The following UNC5C variants were observed in gnomAD, a reference collection of about 807,000 sequenced individuals.
UNC5C encodes the protein netrin receptor UNC5C.
Under a neutral mutation model 99.8 loss-of-function variants are expected in UNC5C, and 47 were observed. The ratio of observed to expected loss-of-function variants is 0.47; its 90% CI spans 0.37 to 0.60. The LOEUF (loss-of-function observed/expected upper bound fraction) is 0.60, where lower values mean the gene tolerates loss of function less well. Among genes scored for constraint, UNC5C ranks in the 20% least tolerant of loss-of-function variants. The pLI, the probability that UNC5C is intolerant of heterozygous loss-of-function variation, is 0.00. For missense variants in UNC5C, 1,062 were observed against 1,165.9 expected, an observed-to-expected ratio of 0.91 and a Z score of 1.30; for synonymous variants, 487 against 452.2, an observed-to-expected ratio of 1.08 and a Z score of -0.98.
chr4:95,462,433 G>A (rs933099392), intron 1 of UNC5C, among the ~76,000 whole-genome samples: 1 of 152,076 alleles, frequency 6.6e-6, no homozygotes, highest in Non-Finnish European at 1.5e-5. Flanking sequence ...TCCATCCTCT[G>A]CTCATAAAGG....
chr4:95,296,931 G>C (rs116747063), intron 3 of UNC5C, among the ~76,000 whole-genome samples: 69 of 152,224 alleles, frequency 4.5e-4, no homozygotes, highest in African/African-American at 1.6e-3. Context: ...TTTCAGGCCT[G>C]GTCCCACCTG....
chr4:95,177,065 C>T (rs1266404878), intron 14 of UNC5C, among the ~76,000 whole-genome samples: 2 of 152,214 alleles, frequency 1.3e-5, no homozygotes, highest in African/African-American at 4.8e-5. Flanking sequence ...ACCCCTTGCA[C>T]TTCCCGAGTG....
At position 95,433,677 on chromosome 4, in the gene UNC5C, AT is replaced by A. The variant is rs907625638; in HGVS notation, c.125-98047del. ...TAACCAGAGTTCAATATTTGTTTAGATTTTTTTCATGCAATATTTACACAAA... is the reference window on the plus strand; with the variant it reads ...TAACCAGAGTTCAATATTTGTTTAGATTTTTTCATGCAATATTTACACAAA... On this transcript the variant is annotated intron_variant, in intron 1 of 15. Coordinates refer to ENST00000453304, the MANE Select transcript of UNC5C (RefSeq NM_003728.4). Among the ~76,000 whole-genome samples the A allele has an allele frequency of 1.1e-4, 16 of 152,222 alleles. No homozygotes were observed. The South Asian group carries it at 1.9e-3, about 18-fold the overall frequency.
At chr4:95,462,994 C>A (rs902888423) in intron 1 of UNC5C, among the ~76,000 whole-genome samples, 1 of 152,084 alleles carries the variant, frequency 6.6e-6, no homozygotes, top group Non-Finnish European at 1.5e-5. Context: ...AACAAGGAAA[C>A]CTGGAAATAT....
intron 3 of UNC5C, among the ~76,000 whole-genome samples, chr4:95,299,417 A>C (rs1382424803): frequency 6.6e-6 from 1 of 152,202 alleles, no homozygotes; most frequent in African/African-American, 2.4e-5. Context: ...GTGGTGTTTT[A>C]TTATGGGAGC....
At chr4:95,475,549 G>T (rs112219950) in intron 1 of UNC5C, among the ~76,000 whole-genome samples, 2 of 151,330 alleles carry the variant, frequency 1.3e-5, no homozygotes, top group South Asian at 4.2e-4. Context: ...ACAGACAGAT[G>T]GATAGATAGA....
At chr4:95,438,260 T>C (rs1252011074) in intron 1 of UNC5C, among the ~76,000 whole-genome samples, 1 of 152,046 alleles carries the variant, frequency 6.6e-6, no homozygotes, top group Non-Finnish European at 1.5e-5. Context: ...CATGTCAAAG[T>C]ACTACCAGTG....
chr4:95,453,495 G>GA lies in UNC5C; in HGVS notation c.124+95238dup, dbSNP rs956984268. Among the ~76,000 whole-genome samples, 207 of 150,420 alleles carry GA rather than the reference G, an allele frequency of 1.4e-3. 1 individual carries two copies. Among genetic ancestry groups the GA allele is most frequent in the African/African-American group, 4.6e-3 (190 of 40,992 alleles). Reference sequence around the variant, plus strand: ...AGAAAAAGAAAAAAGAGAAAAGGAAGAAAAAAAAGAAAGAAAAAACAAAAA... The same window carrying GA: ...AGAAAAAGAAAAAAGAGAAAAGGAAGAAAAAAAAAGAAAGAAAAAACAAAAA... On this transcript the variant is annotated intron_variant, in intron 1 of 15. Coordinates refer to ENST00000453304, the MANE Select transcript of UNC5C (RefSeq NM_003728.4).
chr4:95,382,028 T>C (rs1745087474), intron 1 of UNC5C, among the ~76,000 whole-genome samples: 1 of 152,164 alleles, frequency 6.6e-6, no homozygotes, highest in South Asian at 2.1e-4. Context: ...AGTAAGAAGC[T>C]TGTCTCCAAG....
intron 1 of UNC5C, among the ~76,000 whole-genome samples, chr4:95,444,798 T>C (rs546632158): frequency 6.6e-6 from 1 of 152,260 alleles, no homozygotes; most frequent in African/African-American, 2.4e-5. Flanking sequence ...GAAAGTCCTA[T>C]ATCTGCAGGG....
intron 3 of UNC5C, among the ~76,000 whole-genome samples, chr4:95,299,147 T>G (rs760982464): frequency 1.3e-5 from 2 of 152,066 alleles, no homozygotes; most frequent in Non-Finnish European, 2.9e-5. Context: ...GTGATCAAGT[T>G]AAAATGAAGC....
intron 12 of UNC5C, among the ~76,000 whole-genome samples, chr4:95,201,540 G>T (rs912890911): frequency 6.6e-6 from 1 of 151,868 alleles, no homozygotes; most frequent in Non-Finnish European, 1.5e-5. Flanking sequence ...GGCCGTAAAG[G>T]TCCATCTAGA....
Position 95,167,278 on chromosome 4 carries a change from G to T in UNC5C, c.*1956C>A, listed in dbSNP as rs1234929555. The T allele has an allele frequency of 6.6e-6, 1 of 152,142 alleles. No homozygotes were observed. Among genetic ancestry groups the T allele is most frequent in the Non-Finnish European group, 1.5e-5 (1 of 68,036 alleles). 9.4% of individuals were successfully genotyped at this position (152,142 alleles called of 1,614,324 possible). On this transcript the variant is annotated 3_prime_UTR_variant, in exon 16 of 16. Coordinates refer to ENST00000453304, the MANE Select transcript of UNC5C (RefSeq NM_003728.4). The stretch of plus-strand genomic sequence containing the variant: ...GTTCTTCAGTTTTGGTTTTGCTACT[G>T]GGCTTTGATTCTTTAATCCCCACCT...
At chr4:95,296,427 G>C (rs1440869307) in intron 3 of UNC5C, among the ~76,000 whole-genome samples, 2 of 152,082 alleles carry the variant, frequency 1.3e-5, no homozygotes, top group Non-Finnish European at 2.9e-5. Context: ...AAATAGCAAA[G>C]TTTATAGAAC....
At chr4:95,415,116 C>A (rs1039936533) in intron 1 of UNC5C, among the ~76,000 whole-genome samples, 14 of 152,092 alleles carry the variant, frequency 9.2e-5, no homozygotes, top group African/African-American at 1.4e-4. Flanking sequence ...TCACAGACTC[C>A]TTTAACTCTT....
At chr4:95,388,245 G>A (rs1745264996) in intron 1 of UNC5C, among the ~76,000 whole-genome samples, 1 of 152,070 alleles carries the variant, frequency 6.6e-6, no homozygotes, top group South Asian at 2.1e-4. Context: ...ACTTCACAAT[G>A]TTTATCTTTG....
chr4:95,502,217 T>C (rs574846234), intron 1 of UNC5C, among the ~76,000 whole-genome samples: 1 of 152,162 alleles, frequency 6.6e-6, no homozygotes. Flanking sequence ...CCAATCACCT[T>C]GTAAAAACTG....
intron 2 of UNC5C, among the ~76,000 whole-genome samples, chr4:95,328,097 G>A (rs376080785): frequency 9.0e-6 from 1 of 111,074 alleles, no homozygotes; most frequent in Non-Finnish European, 1.9e-5. Context: ...TAAGTTTTAG[G>A]GTACATGTGC....
intron 7 of UNC5C, among the ~76,000 whole-genome samples, chr4:95,234,934 C>G (rs1376081867): frequency 6.6e-6 from 1 of 152,096 alleles, no homozygotes; most frequent in Non-Finnish European, 1.5e-5. Flanking sequence ...AGTTATCACA[C>G]AGTATAAGAG....
Sources: gnomAD v4.1 joint callset for allele counts (sites outside exome capture counted in the v4.1 genomes callset) on GRCh38, gnomAD v4.1.1 for gene constraint, MANE v1.5 for transcripts, NCBI Gene and HGNC (gene_info 2026-07-23, HGNC 2026-07-21) for gene names.